Variants in PRUNE2 observed in about 807,000 individuals in gnomAD.
PRUNE2 encodes the protein protein prune homolog 2.
A neutral mutation model predicts 252.0 loss-of-function variants in PRUNE2; 164 were observed. The ratio of observed to expected loss-of-function variants is 0.65; its 90% CI spans 0.57 to 0.74. The LOEUF (loss-of-function observed/expected upper bound fraction) is 0.74, where lower values mean the gene tolerates loss of function less well. Among genes scored for constraint, PRUNE2 ranks in the 30% least tolerant of loss-of-function variants. The probability of loss-of-function intolerance (pLI) is 0.00; values close to 1 mark genes in which losing one functional copy is unlikely to be tolerated. For synonymous variants in PRUNE2, 1,292 were observed against 1,350.2 expected, an observed-to-expected ratio of 0.96 and a Z score of 0.94; for missense variants, 3,495 against 3,711.0, an observed-to-expected ratio of 0.94 and a Z score of 1.51.
At chr9:76,810,269 A>T (rs2057267937) in intron 6 of PRUNE2, among the ~76,000 whole-genome samples, 2 of 152,346 alleles carry the variant, frequency 1.3e-5, no homozygotes, top group South Asian at 4.1e-4. Context: ...AAATAATAAC[A>T]GACCTATTTC....
At chr9:76,645,728 T>C (rs2133010178) in intron 11 of PRUNE2, among the ~76,000 whole-genome samples, 1 of 152,342 alleles carries the variant, frequency 6.6e-6, no homozygotes, top group Middle Eastern at 3.4e-3. Flanking sequence ...AGCTTAATGA[T>C]GGTTATTCTT....
chr9:76,672,839 T>C (rs1248665604), intron 9 of PRUNE2, among the ~76,000 whole-genome samples: 3 of 140,582 alleles, frequency 2.1e-5, no homozygotes, highest in African/African-American at 5.4e-5. Flanking sequence ...GAAATAAAGA[T>C]GTTCTTTGAA....
chr9:76,858,036 G>C (rs2060350984), intron 1 of PRUNE2, among the ~76,000 whole-genome samples: 1 of 152,186 alleles, frequency 6.6e-6, no homozygotes, highest in South Asian at 2.1e-4. Flanking sequence ...CCTTGATACA[G>C]TTCAAATTGT....
intron 4 of PRUNE2, among the ~76,000 whole-genome samples, chr9:76,837,831 G>A (rs1328999946): frequency 6.6e-6 from 1 of 150,558 alleles, no homozygotes; most frequent in Non-Finnish European, 1.5e-5. Flanking sequence ...GAGTGCAGTG[G>A]CGCAATCTCG....
intron 6 of PRUNE2, among the ~76,000 whole-genome samples, chr9:76,807,084 G>C (rs1209194640): frequency 6.6e-6 from 1 of 151,254 alleles, no homozygotes; most frequent in Non-Finnish European, 1.5e-5. Flanking sequence ...CTCTCTCTTA[G>C]ACAGGGTCTT....
At chr9:76,662,021 ACTAAAAAACACACGTGTAAGTAAC>A (rs1006115397) in intron 9 of PRUNE2, among the ~76,000 whole-genome samples, 1 of 152,152 alleles carries the variant, frequency 6.6e-6, no homozygotes, top group Non-Finnish European at 1.5e-5. Flanking sequence ...CAGTTTGGAG[ACTAAAAAACACACGTGTAAGTAAC>A]CAAACAATAA....
intron 12 of PRUNE2, among the ~76,000 whole-genome samples, chr9:76,640,618 T>A (rs925734026): frequency 2.6e-5 from 4 of 152,324 alleles, no homozygotes; most frequent in African/African-American, 9.6e-5. Context: ...ATCAACTACT[T>A]TTTAGAATGC....
At chr9:76,734,283 G>A (rs1163521923) in intron 6 of PRUNE2, among the ~76,000 whole-genome samples, 2 of 152,150 alleles carry the variant, frequency 1.3e-5, no homozygotes, top group Non-Finnish European at 2.9e-5. Context: ...CGTTCAGGAG[G>A]TAGGGGTCGA....
intron 6 of PRUNE2, among the ~76,000 whole-genome samples, chr9:76,725,201 A>G (rs2048005492): frequency 6.6e-6 from 1 of 152,208 alleles, no homozygotes; most frequent in Non-Finnish European, 1.5e-5. Context: ...GGAAACCACA[A>G]GGCAAGTCTC....
chr9:76,695,352 C>A (rs2045285509), intron 9 of PRUNE2, among the ~76,000 whole-genome samples: 1 of 152,170 alleles, frequency 6.6e-6, no homozygotes, highest in African/African-American at 2.4e-5. Context: ...GAAGTTATTT[C>A]AAGGTGAAGA....
intron 6 of PRUNE2, among the ~76,000 whole-genome samples, chr9:76,816,485 G>A (rs1017594657): frequency 1.3e-5 from 2 of 152,126 alleles, no homozygotes; most frequent in Admixed American, 6.5e-5. Context: ...ATGTCCTCAA[G>A]AAGCTAGGAA....
Position 76,707,664 on chromosome 9 carries a change from GA to G in PRUNE2, c.4609del (p.Ser1537LeufsTer14). On this transcript the variant is annotated frameshift_variant, in exon 8 of 19. Coordinates refer to ENST00000376718, the MANE Select transcript of PRUNE2 (RefSeq NM_015225.3). LOFTEE classifies it high-confidence loss of function. ...SSGNFDRDTI[S>X]SEYTHSSASS... is the part of the protein sequence containing the mutation. Reference sequence around the variant, plus strand: ...TGCACTTGAATGAGTATACTCACTAGAAATAGTATCTCTGTCAAAATTTCCA... The same window carrying G: ...TGCACTTGAATGAGTATACTCACTAGAATAGTATCTCTGTCAAAATTTCCA... The G allele has an allele frequency of 1.5e-5, 24 of 1,613,900 alleles. No individual in the cohort carries two copies. The highest frequency in any genetic ancestry group is 2.0e-5 in the Non-Finnish European group (24 of 1,179,862).
intron 6 of PRUNE2, 21 bp downstream of exon 6, chr9:76,823,611 A>G (rs747523206): frequency 7.0e-7 from 1 of 1,427,758 alleles, no homozygotes; most frequent in South Asian, 1.1e-5. Flanking sequence ...ATCAATGCTA[A>G]AAAAGCATTC....
chr9:76,669,121 A>C (rs2040803887), intron 9 of PRUNE2, among the ~76,000 whole-genome samples: 1 of 151,902 alleles, frequency 6.6e-6, no homozygotes, highest in African/African-American at 2.4e-5. Flanking sequence ...ACATATATGG[A>C]TTTGGAGAGA....
At chr9:76,863,614 T>C (rs1049455102) in intron 1 of PRUNE2, among the ~76,000 whole-genome samples, 15 of 152,236 alleles carry the variant, frequency 9.9e-5, no homozygotes, top group Non-Finnish European at 4.4e-5. Flanking sequence ...ATGCATTATT[T>C]AATATGACAT....
chr9:76,626,711 T>C (rs1834942457), intron 16 of PRUNE2, among the ~76,000 whole-genome samples: 1 of 152,178 alleles, frequency 6.6e-6, no homozygotes, highest in South Asian at 2.1e-4. Context: ...GCAACAGGTG[T>C]AACAATAAAT....
intron 5 of PRUNE2, among the ~76,000 whole-genome samples, chr9:76,826,140 C>T (rs953424747): frequency 3.9e-5 from 6 of 152,262 alleles, no homozygotes; most frequent in Middle Eastern, 3.4e-3. Context: ...GAAAACCTTC[C>T]ACCAGCACAA....
chr9:76,899,694 G>T (rs186648032), intron 1 of PRUNE2, among the ~76,000 whole-genome samples: 85 of 152,230 alleles, frequency 5.6e-4, no homozygotes, highest in Admixed American at 1.6e-3. Flanking sequence ...CACCAAACTG[G>T]CATTAATCGA....
At chr9:76,688,949 C>G (rs1472094699) in intron 9 of PRUNE2, among the ~76,000 whole-genome samples, 1 of 152,178 alleles carries the variant, frequency 6.6e-6, no homozygotes, top group African/African-American at 2.4e-5. Flanking sequence ...GTTCCTTCTC[C>G]CAACCTATTG....
Sources: gnomAD v4.1 joint callset for allele counts (sites outside exome capture counted in the v4.1 genomes callset) on GRCh38, gnomAD v4.1.1 for gene constraint, MANE v1.5 for transcripts, NCBI Gene and HGNC (gene_info 2026-07-23, HGNC 2026-07-21) for gene names.